Variants in CNTN3 observed in about 807,000 individuals in gnomAD.
The protein encoded by CNTN3 is contactin-3.
In CNTN3, 60 loss-of-function variants were observed where a neutral mutation model predicts 119.1. That is an observed-to-expected ratio of 0.50 (90% CI 0.41 to 0.62). The LOEUF is 0.62. Among genes scored for constraint, CNTN3 ranks in the 20% least tolerant of loss-of-function variants. The pLI, the probability that CNTN3 is intolerant of heterozygous loss-of-function variation, is 0.00. For synonymous variants in CNTN3, 450 were observed against 438.7 expected (o/e 1.03, Z -0.32); for missense variants, 1,101 against 1,242.4 (o/e 0.89, Z 1.71).
intron 1 of CNTN3, among the ~76,000 whole-genome samples, chr3:74,596,814 G>T (rs1347257137): frequency 6.6e-6 from 1 of 152,024 alleles, no homozygotes; most frequent in Non-Finnish European, 1.5e-5. Flanking sequence ...ACCACCACGG[G>T]TTCTTCAATC....
rs537230400 is a variant in CNTN3 at position 74,429,413 on chromosome 3, G to GA, written c.359-4474dup. ...ACAAAAATGGGCTCAGCTGATTTTT[G>GA]AAAAAATGCAATTCAATGGAAGGAG... On this transcript the variant is annotated intron_variant, in intron 4 of 22. Transcript: ENST00000263665. Among the ~76,000 whole-genome samples the GA allele has an allele frequency of 9.5e-5, 14 of 146,932 alleles. No homozygotes were observed. The East Asian group carries it at 1.5e-3, about 15-fold the overall frequency.
chr3:74,415,988 TG>T (rs1374203344), intron 5 of CNTN3, among the ~76,000 whole-genome samples: 1 of 152,224 alleles, frequency 6.6e-6, no homozygotes, highest in African/African-American at 2.4e-5. Flanking sequence ...GCTGGGCCCC[TG>T]GGGTCACTGA....
chr3:74,526,424 C>T (rs1703620125), intron 1 of CNTN3, among the ~76,000 whole-genome samples: 2 of 151,760 alleles, frequency 1.3e-5, no homozygotes, highest in South Asian at 4.1e-4. Context: ...CCTGTCAGAT[C>T]AGAAATCATG....
chr3:74,366,536 C>T (rs1704191557), intron 8 of CNTN3, among the ~76,000 whole-genome samples: 2 of 151,938 alleles, frequency 1.3e-5, no homozygotes, highest in African/African-American at 4.8e-5. Context: ...ACTGGTTTCA[C>T]ATTGCATTAT....
intron 1 of CNTN3, among the ~76,000 whole-genome samples, chr3:74,524,033 C>G (rs1239157562): frequency 1.3e-5 from 2 of 151,820 alleles, no homozygotes; most frequent in Non-Finnish European, 2.9e-5. Flanking sequence ...AGCATTTCTA[C>G]TGGAACCAAA....
intron 2 of CNTN3, among the ~76,000 whole-genome samples, chr3:74,502,289 G>A (rs2107084080): frequency 6.6e-6 from 1 of 152,152 alleles, no homozygotes; most frequent in African/African-American, 2.4e-5. Context: ...AACGAAAAAG[G>A]CAAAGAGAGG....
intron 4 of CNTN3, among the ~76,000 whole-genome samples, chr3:74,481,089 ACAGT>A (rs1448229018): frequency 6.6e-6 from 1 of 151,962 alleles, no homozygotes; most frequent in African/African-American, 2.4e-5. Flanking sequence ...ACAAAAAAAT[ACAGT>A]CACTCTAAAT....
At chr3:74,471,180 C>T (rs1202299023) in intron 4 of CNTN3, among the ~76,000 whole-genome samples, 2 of 152,042 alleles carry the variant, frequency 1.3e-5, no homozygotes, top group African/African-American at 2.4e-5. Context: ...GAACATCACA[C>T]ACCAGGGCCT....
rs1425834071 is a variant in CNTN3 at position 74,614,455 on chromosome 3, C to T, written c.-145G>A. Among the ~76,000 whole-genome samples, 1 of 143,068 alleles carries T rather than the reference C, an allele frequency of 7.0e-6. No homozygotes were observed. The highest frequency in any genetic ancestry group is 1.5e-5 in the Non-Finnish European group (1 of 65,626). 93.9% of individuals were successfully genotyped at this position (143,068 alleles called of 152,430 possible). ...CACTCGCCGCCGCCGCCGCCGCCGCCGCCGCCGCCACCGCCGCCGCCGCAG... is the reference window on the plus strand; with the variant it reads ...CACTCGCCGCCGCCGCCGCCGCCGCTGCCGCCGCCACCGCCGCCGCCGCAG... On this transcript the variant is annotated 5_prime_UTR_variant, in exon 1 of 23. Transcript: ENST00000263665.
intron 13 of CNTN3, among the ~76,000 whole-genome samples, chr3:74,318,894 G>T (rs908171450): frequency 2.6e-4 from 39 of 152,102 alleles, no homozygotes; most frequent in African/African-American, 9.2e-4. Context: ...GTCAGACAGG[G>T]AAATTTAAGT....
intron 1 of CNTN3, among the ~76,000 whole-genome samples, chr3:74,585,411 C>T (rs74334212): frequency 0.029 from 4,442 of 152,236 alleles, 84 homozygotes; most frequent in South Asian, 0.04. Flanking sequence ...CTGAAGGAAT[C>T]TTGGCAAACT....
intron 5 of CNTN3, among the ~76,000 whole-genome samples, chr3:74,415,442 C>T (rs956472711): frequency 2.6e-5 from 4 of 152,232 alleles, no homozygotes; most frequent in Middle Eastern, 3.4e-3. Context: ...AAAGGGATGC[C>T]GTGACAGCCC....
intron 2 of CNTN3, among the ~76,000 whole-genome samples, chr3:74,505,502 T>TACAC (rs139877872): frequency 0.033 from 4,795 of 146,536 alleles, 94 homozygotes; most frequent in South Asian, 0.075. Flanking sequence ...TGTGCATAAA[T>TACAC]ACACACACAC....
chr3:74,557,562 T>C (rs577148995), intron 1 of CNTN3, among the ~76,000 whole-genome samples: 1 of 152,152 alleles, frequency 6.6e-6, no homozygotes, highest in South Asian at 2.1e-4. Context: ...CAGCAATCCA[T>C]ATGGGAAATT....
At chr3:74,314,949 G>T (rs1702792909) in intron 13 of CNTN3, among the ~76,000 whole-genome samples, 1 of 152,194 alleles carries the variant, frequency 6.6e-6, no homozygotes, top group South Asian at 2.1e-4. Flanking sequence ...TTATTCACAG[G>T]GTGAGACAGG....
intron 3 of CNTN3, among the ~76,000 whole-genome samples, chr3:74,487,253 AAAGATAAATG>A (rs778642938): frequency 3.3e-5 from 5 of 152,214 alleles, no homozygotes; most frequent in Non-Finnish European, 7.4e-5. Flanking sequence ...CGAGAAGCCT[AAAGATAAATG>A]AAGAGAGAAG....
intron 1 of CNTN3, among the ~76,000 whole-genome samples, chr3:74,613,268 AC>A (rs1705112500): frequency 7.2e-6 from 1 of 139,642 alleles, no homozygotes; most frequent in Admixed American, 7.1e-5. Context: ...CAGTCTTCCT[AC>A]TTTTTTTTTT....
intron 1 of CNTN3, among the ~76,000 whole-genome samples, chr3:74,586,106 G>A (rs1704588459): frequency 6.6e-6 from 1 of 152,070 alleles, no homozygotes; most frequent in Non-Finnish European, 1.5e-5. Context: ...CCAAAGAAAA[G>A]CAACATATCC....
intron 5 of CNTN3, among the ~76,000 whole-genome samples, chr3:74,389,364 C>T (rs949540203): frequency 6.6e-5 from 10 of 152,046 alleles, no homozygotes; most frequent in Non-Finnish European, 1.0e-4. Flanking sequence ...CTCTCATAAA[C>T]CTCTATTTAA....
Sources: gnomAD v4.1 joint callset for allele counts (sites outside exome capture counted in the v4.1 genomes callset) on GRCh38, gnomAD v4.1.1 for gene constraint, MANE v1.5 for transcripts, NCBI Gene and HGNC (gene_info 2026-07-23, HGNC 2026-07-21) for gene names.